DTHD1: variants seen among roughly 807,000 people sequenced by gnomAD.
DTHD1 encodes death domain containing 1.
DTHD1 carries 59 observed loss-of-function variants against 74.8 expected under a neutral mutation model. The observed-to-expected ratio is 0.79, with a 90% CI of 0.64 to 0.98. The LOEUF (loss-of-function observed/expected upper bound fraction) is 0.98. Ranked by LOEUF, DTHD1 falls within the 50% of genes least tolerant of loss-of-function variation. DTHD1 has a pLI of 0.00. For missense variants in DTHD1, 1,051 were observed against 1,065.4 expected (o/e 0.99, Z 0.19); for synonymous variants, 365 against 371.1 (o/e 0.98, Z 0.19).
intron 5 of DTHD1, among the ~76,000 whole-genome samples, chr4:36,301,910 T>G (rs940424395): frequency 6.6e-6 from 1 of 152,196 alleles, no homozygotes; most frequent in Non-Finnish European, 1.5e-5. Context: ...GAAATTTGAA[T>G]GGATGACTAA....
intron 6 of DTHD1, among the ~76,000 whole-genome samples, chr4:36,307,451 G>C (rs935718001): frequency 6.6e-6 from 1 of 152,120 alleles, no homozygotes; most frequent in Non-Finnish European, 1.5e-5. Context: ...AGTCATACTG[G>C]ATTAGAGAAG....
intron 8 of DTHD1, among the ~76,000 whole-genome samples, chr4:36,338,702 C>G (rs1759147671): frequency 6.6e-6 from 1 of 151,966 alleles, no homozygotes; most frequent in Non-Finnish European, 1.5e-5. Context: ...TGTTTTTAAC[C>G]TGTTAGGTGC....
intron 8 of DTHD1, among the ~76,000 whole-genome samples, chr4:36,324,635 C>T (rs1464290265): frequency 6.6e-6 from 1 of 151,876 alleles, no homozygotes; most frequent in Non-Finnish European, 1.5e-5. Context: ...CTAATATATA[C>T]AAGATATTCT....
chr4:36,324,366 G>A (rs13151413), intron 8 of DTHD1, among the ~76,000 whole-genome samples: 106,941 of 151,998 alleles, frequency 0.7, 38,358 homozygotes, highest in African/African-American at 0.83. Flanking sequence ...ATTGGGCACT[G>A]TATCGTTATA....
At chr4:36,321,141 G>A (rs1758015520) in intron 8 of DTHD1, among the ~76,000 whole-genome samples, 1 of 152,158 alleles carries the variant, frequency 6.6e-6, no homozygotes, top group African/African-American at 2.4e-5. Context: ...AAGGCTCAAC[G>A]TATAGTGGTG....
At chr4:36,330,233 T>G (rs1758586695) in intron 8 of DTHD1, among the ~76,000 whole-genome samples, 1 of 152,172 alleles carries the variant, frequency 6.6e-6, no homozygotes, top group Non-Finnish European at 1.5e-5. Context: ...TACTGTCAAG[T>G]CAGTAAAATT....
intron 8 of DTHD1, among the ~76,000 whole-genome samples, chr4:36,326,962 CTTTTTTT>C (rs201334706): frequency 6.9e-6 from 1 of 145,534 alleles, no homozygotes; most frequent in Non-Finnish European, 1.5e-5. Flanking sequence ...ATTTGTTTTT[CTTTTTTT>C]TTTTTTTTCT....
rs536029901 is a variant in DTHD1, at chr4:36,333,333, A to G, written c.2341-5779A>G. Among the ~76,000 whole-genome samples the G allele has an allele frequency of 3.4e-4, 52 of 152,236 alleles. No homozygotes were observed. In the East Asian group the frequency reaches 4.8e-3, roughly 14 times the overall value. On this transcript the variant is annotated intron_variant, in intron 8 of 9. Transcript: ENST00000639862. ...CACCGAAGTTCCACTCCTTAGATGC[A>G]TGATTATGTCTGAAGGAAAAAAGTT...
At chr4:36,325,338 G>A (rs1758280196) in intron 8 of DTHD1, among the ~76,000 whole-genome samples, 1 of 152,154 alleles carries the variant, frequency 6.6e-6, no homozygotes, top group Non-Finnish European at 1.5e-5. Flanking sequence ...ATAGGTATCT[G>A]GTTTGTTTAT....
At position 36,343,724 on chromosome 4, in the gene DTHD1, G is replaced by T; in HGVS notation, c.2621G>T (p.Arg874Leu). 1.9e-6 allele frequency: 3 copies of T among 1,551,540 alleles called. No individual in the cohort carries two copies. The highest frequency in any genetic ancestry group is 2.6e-6 in the Non-Finnish European group (3 of 1,146,908). Residue 874 changes from arginine to leucine, a missense_variant, in exon 10 of 10, where the codon CGC becomes CTC. Transcript: ENST00000639862. ...CTTCGCCTCCTGGCTCGACATCTCC[G>T]CAAGATTGGCAGGAGTGATCTTGCA... ...DKLRLLARHL[R>L]KIGRSDLAEE...
At chr4:36,291,238 T>A (rs757806076) in intron 3 of DTHD1, among the ~76,000 whole-genome samples, 24 of 152,328 alleles carry the variant, frequency 1.6e-4, no homozygotes, top group Non-Finnish European at 3.1e-4. Context: ...GGAAGAAGAC[T>A]GGTTAGGTTT....
chr4:36,321,461 C>G (rs1055474935), intron 8 of DTHD1, among the ~76,000 whole-genome samples: 1 of 152,202 alleles, frequency 6.6e-6, no homozygotes, highest in Admixed American at 6.5e-5. Flanking sequence ...AGGTTGTGTG[C>G]TTCTTACAAG....
intron 2 of DTHD1, among the ~76,000 whole-genome samples, chr4:36,286,625 C>T (rs1755728345): frequency 6.6e-6 from 1 of 152,188 alleles, no homozygotes. Context: ...GGGACATGTT[C>T]ACAGAAATGG....
intron 8 of DTHD1, among the ~76,000 whole-genome samples, chr4:36,318,316 TATG>T (rs1050993091): frequency 1.3e-5 from 2 of 152,212 alleles, no homozygotes; most frequent in Admixed American, 1.3e-4. Context: ...TTTGATGTTG[TATG>T]ATGTCTGTAC....
chr4:36,334,777 A>G (rs1040934928), intron 8 of DTHD1, among the ~76,000 whole-genome samples: 6 of 152,218 alleles, frequency 3.9e-5, no homozygotes, highest in African/African-American at 1.4e-4. Context: ...TTCTGCAGGA[A>G]ATGGTGGAAG....
chr4:36,321,532 G>T (rs548877725), intron 8 of DTHD1, among the ~76,000 whole-genome samples: 26 of 152,254 alleles, frequency 1.7e-4, no homozygotes, highest in Admixed American at 1.2e-3. Flanking sequence ...ACTTCTAGTT[G>T]CAGGAAAACA....
intron 2 of DTHD1, among the ~76,000 whole-genome samples, chr4:36,285,126 G>T (rs967081853): frequency 6.6e-6 from 1 of 151,840 alleles, no homozygotes. Flanking sequence ...TATTAATATT[G>T]TTTATTTCTT....
rs972792225 is a variant in DTHD1 at position 36,339,221 on chromosome 4, T to C, written c.2398+52T>C. 40 of 1,271,494 alleles carry C rather than the reference T, an allele frequency of 3.1e-5. No homozygotes were observed. In the Middle Eastern group the frequency reaches 1.5e-3, roughly 47 times the overall value. 78.8% of individuals were successfully genotyped at this position (1,271,494 alleles called of 1,614,324 possible). ...TATAGTGCTTCCCCACCCCCTTATA[T>C]GTTGTATATATGTGAATCATTTCAT... On this transcript the variant is annotated intron_variant, in intron 9 of 9. Transcript: ENST00000639862.
chr4:36,299,575 A>T (rs1383314334), intron 5 of DTHD1, among the ~76,000 whole-genome samples: 1 of 152,200 alleles, frequency 6.6e-6, no homozygotes. Flanking sequence ...ATTTCTGAAA[A>T]GTTCTTATGT....
Sources: gnomAD v4.1 joint callset for allele counts (sites outside exome capture counted in the v4.1 genomes callset) on GRCh38, gnomAD v4.1.1 for gene constraint, MANE v1.5 for transcripts, NCBI Gene and HGNC (gene_info 2026-07-23, HGNC 2026-07-21) for gene names.